Variants in NREP observed in about 807,000 individuals in gnomAD.
The protein encoded by NREP is neuronal regeneration related protein, also known as neuronal regeneration-related protein.
NREP carries 5 observed loss-of-function variants against 8.6 expected under a neutral mutation model. That is an observed-to-expected ratio of 0.58 (90% CI 0.30 to 1.22). The LOEUF (loss-of-function observed/expected upper bound fraction) is 1.22. NREP is among the 50% of genes most tolerant of loss of function. The pLI is 0.07. For synonymous variants in NREP, 27 were observed against 28.0 expected (o/e 0.96, Z 0.11); for missense variants, 86 against 82.5 (o/e 1.04, Z -0.17).
At chr5:111,895,185 C>T (rs1754479281) in intron 2 of NREP, among the ~76,000 whole-genome samples, 1 of 152,196 alleles carries the variant, frequency 6.6e-6, no homozygotes, top group Admixed American at 6.5e-5. Context: ...ATATCCTCAA[C>T]TTATCCTCAA....
intron 2 of NREP, among the ~76,000 whole-genome samples, chr5:111,762,944 C>T (rs1750998328): frequency 6.6e-6 from 1 of 152,168 alleles, no homozygotes; most frequent in Non-Finnish European, 1.5e-5. Context: ...AGGGCTTTAT[C>T]CAAACCCAGA....
At chr5:111,889,228 G>T (rs1416567801) in intron 2 of NREP, among the ~76,000 whole-genome samples, 1 of 152,216 alleles carries the variant, frequency 6.6e-6, no homozygotes, top group African/African-American at 2.4e-5. Context: ...ATGACAGAAG[G>T]CAAAAGAGGA....
At chr5:111,793,551 C>T (rs1751802712) in intron 2 of NREP, among the ~76,000 whole-genome samples, 1 of 152,128 alleles carries the variant, frequency 6.6e-6, no homozygotes, top group South Asian at 2.1e-4. Flanking sequence ...TGAGGGTGGG[C>T]CTTCTTTACT....
intron 2 of NREP, among the ~76,000 whole-genome samples, chr5:111,806,527 A>ATTTTCT (rs1332405949): frequency 1.3e-5 from 2 of 152,218 alleles, no homozygotes; most frequent in Non-Finnish European, 2.9e-5. Context: ...ATGATTTCTC[A>ATTTTCT]CCAGTATTTT....
At chr5:111,774,683 G>A (rs1751316289) in intron 2 of NREP, among the ~76,000 whole-genome samples, 1 of 152,174 alleles carries the variant, frequency 6.6e-6, no homozygotes, top group Non-Finnish European at 1.5e-5. Context: ...AGGAAATGGG[G>A]CCCTCGGCCT....
intron 2 of NREP, among the ~76,000 whole-genome samples, chr5:111,823,735 T>A (rs902349636): frequency 6.6e-6 from 1 of 152,198 alleles, no homozygotes; most frequent in Admixed American, 6.5e-5. Context: ...TAAATTCTTA[T>A]TGTTTTACAT....
At chr5:111,955,550 C>A (rs1756292181) in intron 2 of NREP, among the ~76,000 whole-genome samples, 1 of 151,192 alleles carries the variant, frequency 6.6e-6, no homozygotes, top group Non-Finnish European at 1.5e-5. Context: ...AACAACTTTT[C>A]CTTATACAGA....
At chr5:111,875,325 G>T (rs988462584) in intron 2 of NREP, among the ~76,000 whole-genome samples, 1 of 151,880 alleles carries the variant, frequency 6.6e-6, no homozygotes, top group African/African-American at 2.4e-5. Flanking sequence ...GATAGAAAAT[G>T]CATTTTACCA....
At chr5:111,970,782 T>C (rs1325861163) in intron 2 of NREP, among the ~76,000 whole-genome samples, 1 of 125,224 alleles carries the variant, frequency 8.0e-6, no homozygotes, top group Non-Finnish European at 1.6e-5. Context: ...GTCGAAATCA[T>C]GCCACTGCAC....
At chr5:111,743,014 G>T (rs1749778444) in intron 2 of NREP, among the ~76,000 whole-genome samples, 1 of 152,098 alleles carries the variant, frequency 6.6e-6, no homozygotes, top group Non-Finnish European at 1.5e-5. Context: ...CTTTTAATGG[G>T]CAATTTTTCT....
In NREP at chr5:111,905,863, A is replaced by T. The variant is rs530790368; in HGVS notation, c.135+69411T>A. Among the ~76,000 whole-genome samples, 11 of 152,236 alleles carry T rather than the reference A, an allele frequency of 7.2e-5. No individual in the cohort carries two copies. In the East Asian group the frequency reaches 1.3e-3, roughly 19 times the overall value. On this transcript the variant is annotated intron_variant, in intron 2 of 3. Transcript: ENST00000395634. Reference sequence around the variant, plus strand: ...ATACATCTGACCCATTCCTGTGTAAATGTATACAAATAAAACATAAATCTC... The same window carrying T: ...ATACATCTGACCCATTCCTGTGTAATTGTATACAAATAAAACATAAATCTC...
intron 2 of NREP, among the ~76,000 whole-genome samples, chr5:111,871,875 TGA>T (rs1753799104): frequency 6.7e-6 from 1 of 148,262 alleles, no homozygotes; most frequent in African/African-American, 2.5e-5. Context: ...TATATATATA[TGA>T]AAATCTCGTT....
chr5:111,877,417 C>T (rs1223646560), intron 2 of NREP, among the ~76,000 whole-genome samples: 1 of 152,152 alleles, frequency 6.6e-6, no homozygotes, highest in Non-Finnish European at 1.5e-5. Context: ...GGTGTTTCTC[C>T]ATGGATCACC....
intron 2 of NREP, among the ~76,000 whole-genome samples, chr5:111,779,347 C>T (rs1359771410): frequency 6.6e-6 from 1 of 152,188 alleles, no homozygotes; most frequent in Non-Finnish European, 1.5e-5. Flanking sequence ...TCCTGTCACA[C>T]AGCTCTGCAC....
chr5:111,741,365 C>T (rs1434357216), intron 2 of NREP, among the ~76,000 whole-genome samples: 1 of 152,104 alleles, frequency 6.6e-6, no homozygotes, highest in Admixed American at 6.5e-5. Context: ...AATTCATGCG[C>T]ATATACATAC....
At chr5:111,964,868 A>AT (rs770830752) in intron 2 of NREP, among the ~76,000 whole-genome samples, 60 of 109,328 alleles carry the variant, frequency 5.5e-4, no homozygotes, top group Non-Finnish European at 7.5e-4. Context: ...AAAAAAAAAA[A>AT]AAAAAAAAAA....
chr5:111,826,140 T>C (rs765880818), intron 2 of NREP, among the ~76,000 whole-genome samples: 6 of 152,096 alleles, frequency 3.9e-5, no homozygotes, highest in Non-Finnish European at 5.9e-5. Flanking sequence ...CTTTTATGTC[T>C]AGCTGAAGGA....
At chr5:111,841,587 G>T (rs1425113766) in intron 2 of NREP, among the ~76,000 whole-genome samples, 1 of 152,076 alleles carries the variant, frequency 6.6e-6, no homozygotes, top group Non-Finnish European at 1.5e-5. Context: ...GGTAGACAGG[G>T]ACTTAATTTT....
At chr5:111,758,091 A>AT (rs1750851385), upstream of NREP, 1 of 985,484 alleles carries the variant, frequency 1.0e-6, no homozygotes, top group Non-Finnish European at 1.2e-6. Context: ...CGAAGGATGC[A>AT]TTTGCACACG....
Sources: gnomAD v4.1 joint callset for allele counts (sites outside exome capture counted in the v4.1 genomes callset) on GRCh38, gnomAD v4.1.1 for gene constraint, MANE v1.5 for transcripts, NCBI Gene and HGNC (gene_info 2026-07-23, HGNC 2026-07-21) for gene names.